PM20D2: variants seen among roughly 807,000 people sequenced by gnomAD.
The protein encoded by PM20D2 is xaa-Arg dipeptidase.
A neutral mutation model predicts 42.9 loss-of-function variants in PM20D2; 33 were observed. The ratio of observed to expected loss-of-function variants is 0.77; its 90% confidence interval spans 0.58 to 1.03. The LOEUF is 1.03. Among genes scored for constraint, PM20D2 ranks in the 50% least tolerant of loss-of-function variants. The probability of loss-of-function intolerance (pLI) is 0.00; values close to 1 mark genes in which losing one functional copy is unlikely to be tolerated. For missense variants in PM20D2, 548 were observed against 557.0 expected (o/e 0.98, Z 0.16); for synonymous variants, 250 against 228.2 (o/e 1.10, Z -0.86).
At chr6:89,124,733 G>GTT in the PM20D2 span, among the ~76,000 whole-genome samples, 13 of 79,614 alleles carry the variant, frequency 1.6e-4, no homozygotes, top group African/African-American at 6.6e-4. Context: ...TGTTGCTGTT[G>GTT]TTGTTTTTTT....
At chr6:89,150,809 G>A (rs1340353652) in intron 2 of PM20D2, among the ~76,000 whole-genome samples, 4 of 151,496 alleles carry the variant, frequency 2.6e-5, no homozygotes, top group Admixed American at 2.0e-4. Context: ...CAAAGTGCTG[G>A]GGTTACAGGC....
chr6:89,147,610 CAT>C (rs1311237196), intron 1 of PM20D2, among the ~76,000 whole-genome samples: 3 of 151,796 alleles, frequency 2.0e-5, no homozygotes, highest in African/African-American at 7.3e-5. Context: ...CAGCGAGAGA[CAT>C]ATCGTATTTA....
chr6:89,117,901 G>C, the PM20D2 span: 6 of 1,559,288 alleles, frequency 3.8e-6, no homozygotes, highest in Non-Finnish European at 5.2e-6. Flanking sequence ...CGCTTCCTCC[G>C]TTCCCTCCGG....
At chr6:89,145,988 G>A, upstream of PM20D2, 5 of 561,130 alleles carry the variant, frequency 8.9e-6, no homozygotes, top group Non-Finnish European at 1.3e-5. Context: ...GCGGCGCCGG[G>A]GGCGGCCCCG....
rs181642151 is a variant in PM20D2, at chr6:89,162,417, C to T, written c.*154C>T. 24 of 770,920 alleles carry T rather than the reference C, an allele frequency of 3.1e-5. No individual in the cohort carries two copies. The highest frequency in any genetic ancestry group is 3.9e-5 in the Non-Finnish European group (20 of 514,778). 47.8% of individuals were successfully genotyped at this position (770,920 alleles called of 1,614,324 possible). A position where few individuals can be genotyped will look rare whatever the true frequency, so the allele number is the denominator to read the frequency against. ...GGGTGTGGAGAAAACATATTAATTA[C>T]CTCATATCTAAAGTGAAAATTTTTG... On this transcript the variant is annotated 3_prime_UTR_variant, in exon 7 of 7. Transcript: ENST00000275072.
At position 89,149,547 on chromosome 6, in the gene PM20D2, G is replaced by A; in HGVS notation, c.614+134G>A. ...TTGAAAGACAATAACAAGATGTCTT[G>A]ATCTATGGAGTGACATTTGGCAAGC... On this transcript the variant is annotated intron_variant, in intron 2 of 6. Coordinates refer to ENST00000275072, the MANE Select transcript of PM20D2 (RefSeq NM_001010853.3). 2.7e-6 allele frequency: 3 copies of A among 1,115,546 alleles called. No individual in the cohort carries two copies. The East Asian group carries it at 7.5e-5, about 28-fold the overall frequency. The allele number at this position is 1,115,546 out of a possible 1,614,324, so 69.1% of individuals were successfully genotyped here. A position where few individuals can be genotyped will look rare whatever the true frequency, so the allele number is the denominator to read the frequency against.
the PM20D2 span, among the ~76,000 whole-genome samples, chr6:89,130,810 C>CTGCTGCTGCTTTTTTTTTTTTTTT: frequency 1.7e-5 from 1 of 57,594 alleles, no homozygotes; most frequent in African/African-American, 6.9e-5. Flanking sequence ...TTGTATCTGG[C>CTGCTGCTGCTTTTTTTTTTTTTTT]TTCTTCTTCT....
At chr6:89,125,742 C>G in the PM20D2 span, among the ~76,000 whole-genome samples, 1 of 149,626 alleles carries the variant, frequency 6.7e-6, no homozygotes, top group Non-Finnish European at 1.5e-5. Flanking sequence ...AAGGTCGCAC[C>G]ATTGCACTCT....
At position 89,165,247 on chromosome 6, in the gene PM20D2, T is replaced by C. The variant is rs1348743325; in HGVS notation, c.*2984T>C. 1.3e-5 allele frequency: 2 copies of C among 152,168 alleles called. No homozygotes were observed. Among genetic ancestry groups the C allele is most frequent in the East Asian group, 1.9e-4 (1 of 5,202 alleles). 9.4% of individuals were successfully genotyped at this position (152,168 alleles called of 1,614,324 possible). ...TAACTTTTTACCTGAGTTATCTCTT[T>C]AGTCTTTTGGAAAATACCCTACACA... On this transcript the variant is annotated 3_prime_UTR_variant, in exon 7 of 7. Coordinates refer to ENST00000275072, the MANE Select transcript of PM20D2 (RefSeq NM_001010853.3).
the PM20D2 span, chr6:89,105,780 G>A: frequency 1.8e-5 from 4 of 227,124 alleles, no homozygotes; most frequent in African/African-American, 9.1e-5. Context: ...TACTTTTAGT[G>A]TCTACAATAG....
chr6:89,117,955 T>A, the PM20D2 span: 20 of 1,483,058 alleles, frequency 1.3e-5, no homozygotes, highest in East Asian at 5.6e-4. Context: ...CCGCTACCGC[T>A]GCTACCACCA....
At chr6:89,131,342 T>C in the PM20D2 span, among the ~76,000 whole-genome samples, 4 of 152,106 alleles carry the variant, frequency 2.6e-5, no homozygotes, top group South Asian at 2.1e-4. Context: ...GGGACAAATA[T>C]TCAACCATAT....
chr6:89,111,363 T>G, the PM20D2 span, among the ~76,000 whole-genome samples: 1 of 152,260 alleles, frequency 6.6e-6, no homozygotes, highest in African/African-American at 2.4e-5. Context: ...GCAAAGGTTC[T>G]GCACATTTTT....
chr6:89,158,180 G>A (rs1771115435), intron 4 of PM20D2, 145 bp from the exon 5 acceptor site: 1 of 699,522 alleles, frequency 1.4e-6, no homozygotes, highest in Non-Finnish European at 2.3e-6. Flanking sequence ...CTTTTTTAAG[G>A]TAAGAGATTT....
the PM20D2 span, among the ~76,000 whole-genome samples, chr6:89,122,206 T>C: frequency 6.6e-5 from 10 of 152,354 alleles, no homozygotes; most frequent in Admixed American, 4.6e-4. Context: ...TACCTGCACA[T>C]AGTCTGAGCT....
At chr6:89,155,225 A>G (rs929138396) in intron 4 of PM20D2, among the ~76,000 whole-genome samples, 5 of 144,738 alleles carry the variant, frequency 3.5e-5, no homozygotes, top group Admixed American at 1.4e-4. Context: ...TGTAGTTTCT[A>G]TAAAGGAAAG....
the PM20D2 span, among the ~76,000 whole-genome samples, chr6:89,140,936 T>G: frequency 6.6e-6 from 1 of 152,328 alleles, no homozygotes; most frequent in South Asian, 2.1e-4. Context: ...CTGTCAGGTA[T>G]TTTTGCTCAT....
At chr6:89,094,731 A>C in the PM20D2 span, among the ~76,000 whole-genome samples, 1 of 152,130 alleles carries the variant, frequency 6.6e-6, no homozygotes, top group African/African-American at 2.4e-5. Flanking sequence ...AAATGAAAGA[A>C]GAAATTGACA....
chr6:89,120,691 C>T, the PM20D2 span, among the ~76,000 whole-genome samples: 1 of 151,888 alleles, frequency 6.6e-6, no homozygotes, highest in African/African-American at 2.4e-5. Context: ...AAGAGAATCT[C>T]CCCATCTCTA....
Sources: gnomAD v4.1 joint callset for allele counts (sites outside exome capture counted in the v4.1 genomes callset) on GRCh38, gnomAD v4.1.1 for gene constraint, MANE v1.5 for transcripts, NCBI Gene and HGNC (gene_info 2026-07-23, HGNC 2026-07-21) for gene names.